Variants in NTRK1 observed in about 807,000 individuals in gnomAD.
NTRK1 encodes the protein high affinity nerve growth factor receptor.
NTRK1 carries 62 observed loss-of-function variants against 86.8 expected under a neutral mutation model. The observed-to-expected ratio is 0.71, with a 90% CI of 0.58 to 0.88. The LOEUF (loss-of-function observed/expected upper bound fraction) is 0.88. Ranked by LOEUF, NTRK1 falls within the 40% of genes least tolerant of loss-of-function variation. NTRK1 has a pLI of 0.00. For synonymous variants in NTRK1, 469 were observed against 456.6 expected (o/e 1.03, Z -0.35); for missense variants, 967 against 1,078.4 (o/e 0.90, Z 1.45).
rs1464176015 is a variant in NTRK1 at position 156,845,555 on chromosome 1, G to T, written c.50+3362G>T. 9.0e-5 allele frequency: 30 copies of T among 333,972 alleles called. No homozygotes were observed. In the East Asian group the frequency reaches 2.5e-3, roughly 28 times the overall value. 20.7% of individuals were successfully genotyped at this position (333,972 alleles called of 1,614,324 possible). On this transcript the variant is annotated intron_variant, in intron 2 of 16. Transcript: ENST00000392302. The stretch of plus-strand genomic sequence containing the variant: ...CCCACCCACAAACCCCACCCCTCCC[G>T]CAAGACCCGCCCCTCACAGGCCCCA...
At chr1:156,855,355 C>T (rs1055414595) in intron 2 of NTRK1, among the ~76,000 whole-genome samples, 7 of 152,242 alleles carry the variant, frequency 4.6e-5, no homozygotes, top group African/African-American at 7.2e-5. Context: ...AGGTGCCCGC[C>T]GCCATACCCA....
At chr1:156,835,626 T>G (rs1459344894) in intron 1 of NTRK1, among the ~76,000 whole-genome samples, 1 of 152,248 alleles carries the variant, frequency 6.6e-6, no homozygotes, top group Non-Finnish European at 1.5e-5. Flanking sequence ...GCATCATTTA[T>G]ATTATCTGTA....
chr1:156,845,633 C>G, intron 2 of NTRK1: 1 of 1,598,664 alleles, frequency 6.3e-7, no homozygotes, highest in Non-Finnish European at 8.5e-7. Flanking sequence ...GGATGGTGAT[C>G]GCGTTGTGTA....
At chr1:156,877,686 G>A (rs1211998243) in intron 14 of NTRK1, among the ~76,000 whole-genome samples, 1 of 152,250 alleles carries the variant, frequency 6.6e-6, no homozygotes, top group African/African-American at 2.4e-5. Flanking sequence ...TTCCTCACCA[G>A]TAAGAGGGAC....
In NTRK1 at chr1:156,879,171, C is replaced by G. The variant is rs764022882; in HGVS notation, c.1855C>G (p.Pro619Ala). ...GCTGGCTGGTGGGGAGGATGTGGCTCCAGGCCCCCTGGGTCTGGGGCAGCT... is the reference window on the plus strand; with the variant it reads ...GCTGGCTGGTGGGGAGGATGTGGCTGCAGGCCCCCTGGGTCTGGGGCAGCT... ...KLLAGGEDVA[P>A]GPLGLGQLLA... Residue 619 changes from proline to alanine, a missense_variant, in exon 15 of 17, where the codon CCA becomes GCA. Physicochemically the swap from Pro to Ala is conservative, Grantham distance 27 (BLOSUM62 -1). Around this residue, in one of 2 missense-constraint regions of NTRK1, gnomAD observed 637 missense variants for 776.5 expected, o/e 0.82. Transcript: ENST00000524377. The G allele has an allele frequency of 2.5e-6, 4 of 1,613,156 alleles. No individual in the cohort carries two copies. In the South Asian group the frequency reaches 4.4e-5, roughly 18 times the overall value.
chr1:156,864,121 A>G lies in NTRK1; in HGVS notation c.213-233A>G, dbSNP rs74118782. Among the ~76,000 whole-genome samples, 10,734 of 152,024 alleles carry G rather than the reference A, an allele frequency of 0.071. 1,244 individuals carry two copies. The highest frequency in any genetic ancestry group is 0.24 in the African/African-American group (10,124 of 41,412). ...TGTGAGGGTGTGGGGATCCATATGT[A>G]TGTGCGCTTGTGTGTTCATGCACAC... On this transcript the variant is annotated intron_variant, in intron 1 of 16. Coordinates refer to ENST00000524377, the MANE Select transcript of NTRK1 (RefSeq NM_002529.4).
chr1:156,879,495 C>A, intron 15 of NTRK1, 133 bp downstream of exon 15: 2 of 1,227,174 alleles, frequency 1.6e-6, no homozygotes, highest in Non-Finnish European at 2.2e-6. Flanking sequence ...GGTTTTCAAC[C>A]TACCTCCTCG....
chr1:156,830,177 A>C (rs777651676), intron 1 of NTRK1, among the ~76,000 whole-genome samples: 17 of 152,188 alleles, frequency 1.1e-4, no homozygotes, highest in Non-Finnish European at 2.4e-4. Flanking sequence ...ACTTTGATAC[A>C]CATTGTGATC....
At chr1:156,867,806 T>A (rs1274513903) in intron 4 of NTRK1, among the ~76,000 whole-genome samples, 1 of 152,086 alleles carries the variant, frequency 6.6e-6, no homozygotes, top group Non-Finnish European at 1.5e-5. Context: ...CCTGAGTAGG[T>A]GGGACTACAG....
intron 2 of NTRK1, chr1:156,849,444 C>A: frequency 7.0e-7 from 1 of 1,430,144 alleles, no homozygotes; most frequent in South Asian, 1.1e-5. Context: ...TTGTCCAGCA[C>A]GTAGAGAGTG....
In NTRK1 at chr1:156,877,672, C is replaced by T. The variant is rs114436056; in HGVS notation, c.1805+1100C>T. Among the ~76,000 whole-genome samples, 830 of 152,362 alleles carry T rather than the reference C, an allele frequency of 5.4e-3. 7 individuals carry two copies. Among genetic ancestry groups the T allele is most frequent in the African/African-American group, 0.019 (794 of 41,582 alleles). ...GCCAAGTAGCTTTCCTCTCTGACCT[C>T]ACTTTCCTCACCAGTAAGAGGGACA... On this transcript the variant is annotated intron_variant, in intron 14 of 16. Coordinates refer to ENST00000524377, the MANE Select transcript of NTRK1 (RefSeq NM_002529.4).
chr1:156,842,495 C>T (rs781613597), intron 2 of NTRK1: 5 of 1,613,970 alleles, frequency 3.1e-6, no homozygotes, highest in Non-Finnish European at 2.5e-6. Flanking sequence ...AGATACCACA[C>T]CCAGGAGACG....
chr1:156,864,893 G>T, intron 3 of NTRK1, 94 bp downstream of exon 3: 1 of 1,279,186 alleles, frequency 7.8e-7, no homozygotes, highest in Non-Finnish European at 1.1e-6. Context: ...ATGATTGCGA[G>T]GAGGGCCCAA....
At chr1:156,879,000 ATCC>A in intron 14 of NTRK1, 119 bp from the exon 15 acceptor site, 1 of 1,179,156 alleles carries the variant, frequency 8.5e-7, no homozygotes, top group Non-Finnish European at 1.2e-6. Context: ...TGTTCTCTCA[ATCC>A]TCCACTTCCA....
chr1:156,873,328 C>T (rs982809769), intron 7 of NTRK1, among the ~76,000 whole-genome samples: 5 of 152,124 alleles, frequency 3.3e-5, no homozygotes, highest in Admixed American at 1.3e-4. Context: ...CCAAAGACTC[C>T]ATGTTTAATT....
chr1:156,834,703 G>A (rs1375435603), intron 1 of NTRK1, among the ~76,000 whole-genome samples: 3 of 151,626 alleles, frequency 2.0e-5, no homozygotes, highest in Non-Finnish European at 2.9e-5. Flanking sequence ...TTCCAGCCTG[G>A]GTGATAGAGA....
chr1:156,837,823 T>G (rs1227215530), intron 1 of NTRK1: 1 of 152,168 alleles, frequency 6.6e-6, no homozygotes, highest in Non-Finnish European at 1.5e-5. Flanking sequence ...AGGTCCAAAG[T>G]GTCTACTCCA....
In NTRK1 at chr1:156,861,045, C is replaced by T. The variant is rs771535766; in HGVS notation, c.111C>T (p.Pro37=). 2.4e-5 allele frequency: 38 copies of T among 1,555,814 alleles called. No individual in the cohort carries two copies. The highest frequency in any genetic ancestry group is 3.6e-4 in the Middle Eastern group (2 of 5,628). The change falls in exon 1 of 17, where the codon CCC becomes CCT. Residue 37 remains proline (P), a synonymous_variant. Coordinates refer to ENST00000524377, the MANE Select transcript of NTRK1 (RefSeq NM_002529.4). ...ILASAGAAPC[P]DACCPHGSSG... is the part of the protein sequence containing the mutation. ...CATCTGCGGGCGCCGCACCCTGCCC[C>T]GATGCCTGCTGCCCCCACGGCTCCT...
At chr1:156,857,129 T>C (rs977528470), upstream of NTRK1, among the ~76,000 whole-genome samples, 3 of 151,452 alleles carry the variant, frequency 2.0e-5, no homozygotes, top group Admixed American at 1.3e-4. Context: ...TTGTCATTAA[T>C]GGTCCTGAGC....
Sources: gnomAD v4.1 joint callset for allele counts (sites outside exome capture counted in the v4.1 genomes callset) on GRCh38, gnomAD v4.1.1 for gene constraint, gnomAD v4.1.1 regional missense constraint, MANE v1.5 for transcripts, NCBI Gene and HGNC (gene_info 2026-07-23, HGNC 2026-07-21) for gene names.